The following NEMF variants were observed in gnomAD, a reference collection of about 807,000 sequenced individuals.
NEMF encodes the protein nuclear export mediator factor.
NEMF carries 89 observed loss-of-function variants against 162.2 expected under a neutral mutation model. The ratio of observed to expected loss-of-function variants is 0.55; its 90% CI spans 0.46 to 0.65. The LOEUF (loss-of-function observed/expected upper bound fraction) is 0.65. Among genes scored for constraint, NEMF ranks in the 30% least tolerant of loss-of-function variants. The probability of loss-of-function intolerance (pLI) is 0.00; values close to 1 mark genes in which losing one functional copy is unlikely to be tolerated. For missense variants in NEMF, 1,133 were observed against 1,261.9 expected (o/e 0.90, Z 1.55); for synonymous variants, 421 against 404.5 (o/e 1.04, Z -0.49).
intron 26 of NEMF, among the ~76,000 whole-genome samples, chr14:49,793,492 G>C (rs1340774316): frequency 1.3e-5 from 2 of 152,164 alleles, no homozygotes; most frequent in East Asian, 3.8e-4. Context: ...CACAATTATA[G>C]TTTTCCACAG....
chr14:49,809,152 G>A (rs891032806), intron 18 of NEMF, among the ~76,000 whole-genome samples: 2 of 152,180 alleles, frequency 1.3e-5, no homozygotes, highest in Non-Finnish European at 2.9e-5. Context: ...CTCTTACCAT[G>A]TGATTCAACA....
At chr14:49,845,863 C>G (rs1893474386) in intron 4 of NEMF, 2 of 479,580 alleles carry the variant, frequency 4.2e-6, no homozygotes, top group South Asian at 8.0e-5. Context: ...CATATTAGTC[C>G]TGAAATGTCA....
intron 22 of NEMF, chr14:49,800,936 C>A: frequency 2.4e-6 from 1 of 423,950 alleles, no homozygotes; most frequent in South Asian, 5.2e-5. Context: ...CATTGCTACC[C>A]TTTCAACAAT....
chr14:49,789,172 C>CA lies in NEMF; in HGVS notation c.2868dup (p.Ala957CysfsTer4). ...TTGTCATCATGTGGATCATCTACAG[C>CA]AAAGTCTTGTAACTCATGAGTTATA... is the stretch of plus-strand genomic sequence containing the variant. On this transcript the variant is annotated frameshift_variant, in exon 28 of 33. Transcript: ENST00000298310. LOFTEE classifies it high-confidence loss of function. 6.2e-7 allele frequency: 1 copy of CA among 1,613,952 alleles called. No homozygotes were observed.
At chr14:49,785,545 A>G (rs1890131357) in intron 29 of NEMF, 2 of 451,514 alleles carry the variant, frequency 4.4e-6, no homozygotes, top group African/African-American at 2.0e-5. Flanking sequence ...CATAATAAGT[A>G]ATGAGAACAA....
Position 49,799,489 on chromosome 14 carries a change from T to A in NEMF, c.2451A>T (p.Ser817=), listed in dbSNP as rs750918286. The A allele has an allele frequency of 1.2e-4, 196 of 1,610,052 alleles. No homozygotes were observed. The Admixed American group carries it at 3.3e-3, about 27-fold the overall frequency. ...DSKSQSRRHL[S]AKERREMKKK... The stretch of plus-strand genomic sequence containing the variant: ...GATGTGTTTACCTTCTTTCCTTGGC[T>A]GACAAATGTCTCCGGCTCTGTGATT... Residue 817 remains serine (S), a synonymous_variant, in exon 25 of 33, where the codon TCA becomes TCT. Transcript: ENST00000298310.
chr14:49,816,996 T>C (rs1891746719), intron 16 of NEMF, among the ~76,000 whole-genome samples: 1 of 152,148 alleles, frequency 6.6e-6, no homozygotes, highest in South Asian at 2.1e-4. Flanking sequence ...GTAAGATGGG[T>C]GGATTTAAAC....
At position 49,842,631 on chromosome 14, in the gene NEMF, G is replaced by A. The variant is rs78476868; in HGVS notation, c.358-1765C>T. On this transcript the variant is annotated intron_variant, in intron 4 of 32. Coordinates refer to ENST00000298310, the MANE Select transcript of NEMF (RefSeq NM_004713.6). ...CCAAATTCATCTGAAATGACAGGTT[G>A]CAATGTAAGTGGCTTCAGTAAATGT... 5.0e-3 allele frequency among the ~76,000 whole-genome samples: 768 copies of A among 152,366 alleles called. 7 individuals carry two copies. Among genetic ancestry groups the A allele is most frequent in the African/African-American group, 0.018 (732 of 41,592 alleles).
At chr14:49,810,824 C>T (rs749090521) in intron 18 of NEMF, among the ~76,000 whole-genome samples, 4 of 152,144 alleles carry the variant, frequency 2.6e-5, no homozygotes, top group Non-Finnish European at 5.9e-5. Flanking sequence ...AACCTCATCT[C>T]TACAAAAAAC....
intron 18 of NEMF, among the ~76,000 whole-genome samples, chr14:49,806,550 G>A (rs958436542): frequency 1.1e-4 from 16 of 151,390 alleles, no homozygotes; most frequent in African/African-American, 3.1e-4. Flanking sequence ...ATGAGCCACC[G>A]AACCCGGCCG....
At chr14:49,803,335 AT>A (rs1489679350) in intron 19 of NEMF, 41 bp from the exon 20 acceptor site, 1 of 1,389,822 alleles carries the variant, frequency 7.2e-7, no homozygotes, top group South Asian at 1.3e-5. Context: ...ATTTAAAAAA[AT>A]ACTCTAGTTT....
At chr14:49,849,858 G>C (rs1408121159) in intron 3 of NEMF, among the ~76,000 whole-genome samples, 1 of 152,126 alleles carries the variant, frequency 6.6e-6, no homozygotes, top group Admixed American at 6.5e-5. Flanking sequence ...AACTATTTTG[G>C]GTTACTATTA....
At chr14:49,828,218 A>G in intron 15 of NEMF, 73 bp downstream of exon 15, 1 of 1,031,758 alleles carries the variant, frequency 9.7e-7, no homozygotes, top group Non-Finnish European at 1.5e-6. Context: ...TCATTTAAAC[A>G]GAAGAAATAA....
rs369378302 is a variant in NEMF, at chr14:49,786,758, G to A, written c.2896-8C>T. 3.8e-5 allele frequency: 62 copies of A among 1,610,892 alleles called. No individual in the cohort carries two copies. The highest frequency in any genetic ancestry group is 2.2e-4 in the East Asian group (10 of 44,810). On this transcript the variant is annotated splice_region_variant and splice_polypyrimidine_tract_variant and intron_variant, in intron 28 of 32. Transcript: ENST00000298310. ...ATCCAGATCTTGCTCTTCCTGTTCC[G>A]AACATATAAAAATAAAAATGTCAGC... is the stretch of plus-strand genomic sequence containing the variant.
chr14:49,841,501 G>A (rs1193635731), intron 4 of NEMF, among the ~76,000 whole-genome samples: 3 of 149,596 alleles, frequency 2.0e-5, no homozygotes, highest in Non-Finnish European at 4.4e-5. Context: ...TTGAACCTGG[G>A]AGGTGGAGGT....
intron 18 of NEMF, among the ~76,000 whole-genome samples, chr14:49,811,310 A>G (rs1011595380): frequency 3.9e-5 from 6 of 152,178 alleles, no homozygotes; most frequent in Admixed American, 1.3e-4. Flanking sequence ...CATATCCTGG[A>G]CATTGCTGAA....
At chr14:49,814,187 C>A in intron 17 of NEMF, 137 bp from the exon 18 acceptor site, 1 of 570,092 alleles carries the variant, frequency 1.8e-6, no homozygotes. Flanking sequence ...GCAACTTCTG[C>A]CCCCAAGGTT....
chr14:49,837,629 TAA>T (rs1892968963), intron 6 of NEMF, among the ~76,000 whole-genome samples: 2 of 152,098 alleles, frequency 1.3e-5, no homozygotes. Flanking sequence ...TCTAATTTCA[TAA>T]GAGAGGAAGA....
chr14:49,851,726 G>C, intron 2 of NEMF, 61 bp from the exon 3 acceptor site: 1 of 1,485,232 alleles, frequency 6.7e-7, no homozygotes, highest in South Asian at 1.2e-5. Context: ...TTGCTAAACA[G>C]GCTTAAAATG....
Sources: gnomAD v4.1 joint callset for allele counts (sites outside exome capture counted in the v4.1 genomes callset) on GRCh38, gnomAD v4.1.1 for gene constraint, MANE v1.5 for transcripts, NCBI Gene and HGNC (gene_info 2026-07-23, HGNC 2026-07-21) for gene names.